The following SORCS1 variants were observed in gnomAD, a reference collection of about 807,000 sequenced individuals.
SORCS1 encodes the protein sortilin related VPS10 domain containing receptor 1.
SORCS1 carries 60 observed loss-of-function variants against 146.1 expected under a neutral mutation model. The ratio of observed to expected loss-of-function variants is 0.41; its 90% CI spans 0.33 to 0.51. The LOEUF (loss-of-function observed/expected upper bound fraction) is 0.51, where lower values mean the gene tolerates loss of function less well. Among genes scored for constraint, SORCS1 ranks in the 20% least tolerant of loss-of-function variants. The pLI is 0.21. For missense variants in SORCS1, 1,352 were observed against 1,487.6 expected (o/e 0.91, Z 1.50); for synonymous variants, 637 against 584.0 (o/e 1.09, Z -1.31).
intron 1 of SORCS1, among the ~76,000 whole-genome samples, chr10:107,078,975 C>T (rs1963109523): frequency 6.6e-6 from 1 of 152,120 alleles, no homozygotes; most frequent in South Asian, 2.1e-4. Context: ...CCTGTAATCC[C>T]AGCACTTTGG....
chr10:106,929,414 T>C (rs1182535280), intron 2 of SORCS1, among the ~76,000 whole-genome samples: 1 of 151,792 alleles, frequency 6.6e-6, no homozygotes, highest in Non-Finnish European at 1.5e-5. Flanking sequence ...AATTGGCCCA[T>C]TAGGGAAAAC....
At chr10:107,028,211 G>A (rs776725432) in intron 1 of SORCS1, among the ~76,000 whole-genome samples, 7 of 152,160 alleles carry the variant, frequency 4.6e-5, no homozygotes, top group Non-Finnish European at 1.0e-4. Flanking sequence ...TGGTTGAAAA[G>A]GAATTCCAGC....
At chr10:106,916,871 T>C (rs1329941748) in intron 2 of SORCS1, among the ~76,000 whole-genome samples, 2 of 152,080 alleles carry the variant, frequency 1.3e-5, no homozygotes, top group Admixed American at 1.3e-4. Flanking sequence ...TGCTTCAGCC[T>C]CCCAAGTAGC....
At chr10:107,180,506 G>T in the SORCS1 span, among the ~76,000 whole-genome samples, 5 of 151,884 alleles carry the variant, frequency 3.3e-5, no homozygotes, top group Non-Finnish European at 1.5e-5. Flanking sequence ...TGATAACTTT[G>T]TCTTTTCTCT....
At chr10:106,973,721 T>C (rs1376295144) in intron 1 of SORCS1, among the ~76,000 whole-genome samples, 1 of 152,234 alleles carries the variant, frequency 6.6e-6, no homozygotes, top group African/African-American at 2.4e-5. Flanking sequence ...AAAAATAAAA[T>C]GCCCCACAGG....
At chr10:106,603,780 T>C (rs1318877501) in intron 23 of SORCS1, among the ~76,000 whole-genome samples, 1 of 152,226 alleles carries the variant, frequency 6.6e-6, no homozygotes, top group Non-Finnish European at 1.5e-5. Flanking sequence ...TTCTGTATAA[T>C]TTATGATACC....
intron 1 of SORCS1, among the ~76,000 whole-genome samples, chr10:106,992,724 TG>T (rs1456462919): frequency 1.3e-5 from 2 of 151,830 alleles, no homozygotes; most frequent in African/African-American, 4.8e-5. Flanking sequence ...CTGGAACTCT[TG>T]ACCTCAAGCA....
At chr10:106,742,330 A>G (rs1402357134) in intron 5 of SORCS1, among the ~76,000 whole-genome samples, 1 of 152,198 alleles carries the variant, frequency 6.6e-6, no homozygotes, top group East Asian at 1.9e-4. Flanking sequence ...TCTAAACACA[A>G]AATCCATTTA....
intron 24 of SORCS1, among the ~76,000 whole-genome samples, chr10:106,582,719 T>C (rs1220058198): frequency 1.3e-5 from 2 of 152,132 alleles, no homozygotes; most frequent in Non-Finnish European, 2.9e-5. Flanking sequence ...ATGCACAAAG[T>C]AAAACATGGA....
intron 3 of SORCS1, among the ~76,000 whole-genome samples, chr10:106,812,635 G>C (rs11193059): frequency 1.2e-4 from 19 of 152,130 alleles, no homozygotes; most frequent in African/African-American, 4.3e-4. Context: ...CTGAAAAAGT[G>C]GGGGGAGAGT....
chr10:107,036,674 C>T (rs1292265969), intron 1 of SORCS1, among the ~76,000 whole-genome samples: 1 of 152,188 alleles, frequency 6.6e-6, no homozygotes, highest in Non-Finnish European at 1.5e-5. Context: ...AAGAGCTATA[C>T]CTGATAGAAC....
At chr10:106,698,880 C>T (rs995320325) in intron 9 of SORCS1, among the ~76,000 whole-genome samples, 1 of 152,104 alleles carries the variant, frequency 6.6e-6, no homozygotes, top group Non-Finnish European at 1.5e-5. Context: ...ACTCACAGCC[C>T]TGTCTGCCTT....
intron 2 of SORCS1, among the ~76,000 whole-genome samples, chr10:106,894,960 T>G (rs1349581008): frequency 1.3e-5 from 2 of 152,218 alleles, no homozygotes; most frequent in Admixed American, 1.3e-4. Flanking sequence ...TATTTTTTTG[T>G]AAGTACCCCA....
At chr10:107,002,949 C>T (rs1042199842) in intron 1 of SORCS1, among the ~76,000 whole-genome samples, 2 of 152,116 alleles carry the variant, frequency 1.3e-5, no homozygotes, top group Non-Finnish European at 2.9e-5. Context: ...ACTGGGCCCA[C>T]TCATTACTAT....
intron 1 of SORCS1, among the ~76,000 whole-genome samples, chr10:107,007,845 G>A (rs1317420722): frequency 6.6e-6 from 1 of 152,104 alleles, no homozygotes; most frequent in African/African-American, 2.4e-5. Flanking sequence ...TGATAGCTGT[G>A]CAATAACAAA....
At chr10:107,017,563 A>C (rs1957950388) in intron 1 of SORCS1, among the ~76,000 whole-genome samples, 1 of 152,244 alleles carries the variant, frequency 6.6e-6, no homozygotes, top group South Asian at 2.1e-4. Context: ...ACATTTGAGG[A>C]AACAACAAAA....
chr10:106,927,530 C>T (rs1407555054), intron 2 of SORCS1, among the ~76,000 whole-genome samples: 8 of 152,248 alleles, frequency 5.3e-5, no homozygotes, highest in South Asian at 2.1e-4. Flanking sequence ...TGGAAGGGGA[C>T]ATGAGCGGGT....
chr10:106,705,057 T>A (rs1379975889), intron 8 of SORCS1, among the ~76,000 whole-genome samples: 2 of 151,966 alleles, frequency 1.3e-5, no homozygotes, highest in Non-Finnish European at 2.9e-5. Context: ...CCAATTCTCA[T>A]CTAAGGCACA....
At chr10:107,018,860 A>C (rs150113754) in intron 1 of SORCS1, among the ~76,000 whole-genome samples, 131 of 152,330 alleles carry the variant, frequency 8.6e-4, no homozygotes, top group African/African-American at 2.9e-3. Context: ...ACACTTTAAT[A>C]AGAAAGAACG....
Sources: allele counts gnomAD v4.1 joint callset (sites outside exome capture counted in the v4.1 genomes callset), GRCh38; gene constraint gnomAD v4.1.1; transcripts MANE v1.5; gene names NCBI Gene and HGNC (gene_info 2026-07-23, HGNC 2026-07-21).